WDFY2: variants seen among roughly 807,000 people sequenced by gnomAD.
WDFY2 encodes WD repeat and FYVE domain containing 2, also known as WD repeat and FYVE domain-containing protein 2.
WDFY2 carries 36 observed loss-of-function variants against 56.4 expected under a neutral mutation model. The observed-to-expected ratio is 0.64, with a 90% confidence interval of 0.49 to 0.84. WDFY2 has a LOEUF of 0.84. WDFY2 is among the 40% of genes least tolerant of loss of function. The pLI, the probability that WDFY2 is intolerant of heterozygous loss-of-function variation, is 0.00. For synonymous variants in WDFY2, 176 were observed against 183.7 expected, an observed-to-expected ratio of 0.96 and a Z score of 0.34; for missense variants, 444 against 512.2, an observed-to-expected ratio of 0.87 and a Z score of 1.29.
intron 1 of WDFY2, among the ~76,000 whole-genome samples, chr13:51,635,747 G>C (rs762506348): frequency 1.3e-5 from 2 of 152,132 alleles, no homozygotes; most frequent in African/African-American, 2.4e-5. Context: ...TCTCTTACTC[G>C]TAGTACTTTT....
At chr13:51,606,071 G>T (rs1954380272) in intron 1 of WDFY2, among the ~76,000 whole-genome samples, 1 of 152,330 alleles carries the variant, frequency 6.6e-6, no homozygotes, top group African/African-American at 2.4e-5. Flanking sequence ...CTATATCCCA[G>T]CTCCTCCACT....
intron 1 of WDFY2, among the ~76,000 whole-genome samples, chr13:51,613,915 A>G (rs1336031610): frequency 6.6e-6 from 1 of 152,150 alleles, no homozygotes; most frequent in African/African-American, 2.4e-5. Flanking sequence ...CAGGCGTCCC[A>G]TGTAATCATG....
At chr13:51,607,751 A>C (rs950429723) in intron 1 of WDFY2, among the ~76,000 whole-genome samples, 3 of 152,176 alleles carry the variant, frequency 2.0e-5, no homozygotes, top group African/African-American at 7.2e-5. Context: ...CAGTTCAGCA[A>C]ATACTGTTGT....
intron 1 of WDFY2, among the ~76,000 whole-genome samples, chr13:51,600,206 T>A (rs1954242013): frequency 6.6e-6 from 1 of 152,216 alleles, no homozygotes. Context: ...GTGTATTAGG[T>A]CACACTGAGG....
At chr13:51,707,157 CT>C (rs1952100702) in intron 4 of WDFY2, among the ~76,000 whole-genome samples, 2 of 152,002 alleles carry the variant, frequency 1.3e-5, no homozygotes, top group Admixed American at 6.6e-5. Context: ...TTTTAAAGTT[CT>C]TTTTTTGGGG....
intron 3 of WDFY2, among the ~76,000 whole-genome samples, chr13:51,693,384 C>T (rs1447402382): frequency 6.6e-6 from 1 of 151,542 alleles, no homozygotes; most frequent in Admixed American, 6.6e-5. Context: ...TATGTTGTGT[C>T]TTTGTTCTCA....
intron 1 of WDFY2, among the ~76,000 whole-genome samples, chr13:51,651,095 T>C (rs1455112672): frequency 6.6e-6 from 1 of 152,224 alleles, no homozygotes; most frequent in Non-Finnish European, 1.5e-5. Flanking sequence ...TTTCAGAGCC[T>C]CTTATTGGTC....
chr13:51,592,955 C>G (rs552230192), intron 1 of WDFY2, among the ~76,000 whole-genome samples: 2 of 152,230 alleles, frequency 1.3e-5, no homozygotes, highest in African/African-American at 4.8e-5. Context: ...GATCCTGTCT[C>G]TACAGCGAAT....
intron 6 of WDFY2, among the ~76,000 whole-genome samples, chr13:51,737,176 G>A (rs895780283): frequency 7.2e-5 from 11 of 152,060 alleles, no homozygotes; most frequent in South Asian, 2.1e-4. Context: ...GTGAGTAGTC[G>A]AACAGATGCA....
intron 4 of WDFY2, among the ~76,000 whole-genome samples, chr13:51,707,260 A>C (rs932953888): frequency 2.6e-5 from 4 of 152,178 alleles, no homozygotes; most frequent in Non-Finnish European, 5.9e-5. Context: ...CCTGGGCTCA[A>C]GCAGTCCTCC....
intron 1 of WDFY2, among the ~76,000 whole-genome samples, chr13:51,607,874 A>G (rs1451797972): frequency 6.6e-6 from 1 of 152,194 alleles, no homozygotes; most frequent in African/African-American, 2.4e-5. Flanking sequence ...AGGATCTTGA[A>G]TGGGGAGATC....
chr13:51,697,957 T>C (rs1276603894), intron 3 of WDFY2, among the ~76,000 whole-genome samples: 2 of 152,252 alleles, frequency 1.3e-5, no homozygotes, highest in Non-Finnish European at 2.9e-5. Flanking sequence ...TTAAATTAGC[T>C]CTCATAGAGT....
intron 1 of WDFY2, among the ~76,000 whole-genome samples, chr13:51,653,339 C>T (rs1378136252): frequency 2.0e-5 from 3 of 152,156 alleles, no homozygotes; most frequent in Non-Finnish European, 4.4e-5. Flanking sequence ...ACTTCTTTGC[C>T]ATGGGTTCGA....
intron 7 of WDFY2, among the ~76,000 whole-genome samples, chr13:51,739,663 TC>T (rs1268516274): frequency 3.9e-5 from 6 of 152,208 alleles, no homozygotes; most frequent in African/African-American, 1.4e-4. Flanking sequence ...AGGCTCTTTT[TC>T]CTTAAAGGAT....
rs1953344944 is a variant in WDFY2, at chr13:51,755,372, G to A, written c.846G>A (p.Leu282=). The change falls in exon 9 of 12, where the codon TTG becomes TTA. Residue 282 remains leucine, a synonymous_variant. Transcript: ENST00000298125. ...DVERQETPEW[L]DSDSCQKCDQ... Reference sequence around the variant, plus strand: ...TATTTGACAAGACCCCTGAATGGTTGGACAGTGATTCCTGCCAAAAGTGTG... The same window carrying A: ...TATTTGACAAGACCCCTGAATGGTTAGACAGTGATTCCTGCCAAAAGTGTG... The A allele has an allele frequency of 6.2e-7, 1 of 1,614,154 alleles. No homozygotes were observed. Among genetic ancestry groups the A allele is most frequent in the South Asian group, 1.1e-5 (1 of 91,084 alleles).
intron 5 of WDFY2, among the ~76,000 whole-genome samples, chr13:51,719,672 C>G (rs1471538666): frequency 1.3e-5 from 2 of 152,154 alleles, no homozygotes; most frequent in African/African-American, 4.8e-5. Context: ...AAGATGAAAT[C>G]ACCAAAATGT....
At chr13:51,724,686 G>A (rs1487097061) in intron 5 of WDFY2, among the ~76,000 whole-genome samples, 1 of 152,204 alleles carries the variant, frequency 6.6e-6, no homozygotes, top group Non-Finnish European at 1.5e-5. Flanking sequence ...TGGTATGCTT[G>A]TTAACAATCA....
chr13:51,625,310 A>G lies in WDFY2; in HGVS notation c.138-35286A>G, dbSNP rs563075646. ...CAACACTTAAGCCAGAGACATTTCT[A>G]GTATCTGCATGGTTTCCTCCTCACT... On this transcript the variant is annotated intron_variant, in intron 1 of 11. Coordinates refer to ENST00000298125, the MANE Select transcript of WDFY2 (RefSeq NM_052950.4). 4.6e-5 allele frequency among the ~76,000 whole-genome samples: 7 copies of G among 152,300 alleles called. No homozygotes were observed. In the South Asian group the frequency reaches 8.3e-4, roughly 18 times the overall value.
chr13:51,677,673 G>C (rs1455016196), intron 3 of WDFY2, among the ~76,000 whole-genome samples: 1 of 152,126 alleles, frequency 6.6e-6, no homozygotes, highest in Admixed American at 6.5e-5. Context: ...GTTAAACTTA[G>C]GCAGCTGAGT....
Sources: allele counts gnomAD v4.1 joint callset (sites outside exome capture counted in the v4.1 genomes callset), GRCh38; gene constraint gnomAD v4.1.1; transcripts MANE v1.5; gene names NCBI Gene and HGNC (gene_info 2026-07-23, HGNC 2026-07-21).